NKAIN3: variants seen among roughly 807,000 people sequenced by gnomAD.
NKAIN3 encodes the protein sodium/potassium-transporting ATPase subunit beta-1-interacting protein 3.
Under a neutral mutation model 30.2 loss-of-function variants are expected in NKAIN3, and 25 were observed. The ratio of observed to expected loss-of-function variants is 0.83; its 90% CI spans 0.60 to 1.16. The LOEUF (loss-of-function observed/expected upper bound fraction) is 1.16. NKAIN3 is among the 50% of genes most tolerant of loss of function. The probability of loss-of-function intolerance (pLI) is 0.00; values close to 1 mark genes in which losing one functional copy is unlikely to be tolerated. For synonymous variants in NKAIN3, 91 were observed against 89.6 expected, an observed-to-expected ratio of 1.02 and a Z score of -0.09; for missense variants, 225 against 254.1, an observed-to-expected ratio of 0.89 and a Z score of 0.78.
chr8:62,348,741 A>G (rs1239141517), intron 1 of NKAIN3, among the ~76,000 whole-genome samples: 2 of 152,222 alleles, frequency 1.3e-5, no homozygotes, highest in Non-Finnish European at 2.9e-5. Context: ...ACTATGTTGT[A>G]TAAGAAACTG....
intron 1 of NKAIN3, among the ~76,000 whole-genome samples, chr8:62,353,545 T>C (rs539962278): frequency 1.6e-4 from 25 of 152,230 alleles, no homozygotes; most frequent in Admixed American, 7.2e-4. Flanking sequence ...ATCTGTTTTT[T>C]AAGGAAATTA....
chr8:62,620,181 A>G (rs1811579412), intron 3 of NKAIN3, among the ~76,000 whole-genome samples: 1 of 152,102 alleles, frequency 6.6e-6, no homozygotes, highest in Non-Finnish European at 1.5e-5. Context: ...AACTGGGGAG[A>G]CTTAGCAAGG....
intron 1 of NKAIN3, among the ~76,000 whole-genome samples, chr8:62,438,566 AT>A (rs904336192): frequency 1.8e-4 from 27 of 150,568 alleles, no homozygotes; most frequent in African/African-American, 6.3e-4. Flanking sequence ...AATAGCCACT[AT>A]TTTTTTTTCT....
chr8:62,552,342 C>A (rs1809243553), intron 1 of NKAIN3, among the ~76,000 whole-genome samples: 1 of 152,014 alleles, frequency 6.6e-6, no homozygotes, highest in Admixed American at 6.5e-5. Flanking sequence ...TCTGATAATC[C>A]CTCGATGGAG....
At chr8:62,708,870 G>A (rs1252554592) in intron 3 of NKAIN3, among the ~76,000 whole-genome samples, 1 of 152,118 alleles carries the variant, frequency 6.6e-6, no homozygotes, top group Non-Finnish European at 1.5e-5. Context: ...GCCATAGATG[G>A]CTTTTATTAC....
At chr8:62,962,037 C>T (rs1055129112) in intron 6 of NKAIN3, among the ~76,000 whole-genome samples, 3 of 152,128 alleles carry the variant, frequency 2.0e-5, no homozygotes, top group African/African-American at 4.8e-5. Flanking sequence ...CAGTTCTCAA[C>T]GATAGGAATC....
chr8:62,317,508 C>G lies in NKAIN3; in HGVS notation c.54+68381C>G, dbSNP rs182633146. Among the ~76,000 whole-genome samples the G allele has an allele frequency of 8.1e-4, 124 of 152,284 alleles. 1 individual carries two copies. The highest frequency in any genetic ancestry group is 2.8e-3 in the African/African-American group (118 of 41,548). ...TTTCTACATATGGCTAGCCAGTTTTCCCAGCACCATTTATTAAATAGGGAA... is the reference window on the plus strand; with the variant it reads ...TTTCTACATATGGCTAGCCAGTTTTGCCAGCACCATTTATTAAATAGGGAA... On this transcript the variant is annotated intron_variant, in intron 1 of 6. Coordinates refer to ENST00000623646, the MANE Select transcript of NKAIN3 (RefSeq NM_001304533.3).
chr8:62,432,018 A>G (rs186917992), intron 1 of NKAIN3, among the ~76,000 whole-genome samples: 4 of 151,964 alleles, frequency 2.6e-5, no homozygotes, highest in Admixed American at 2.0e-4. Flanking sequence ...ATAGGAAATT[A>G]ATGGAGAACC....
intron 3 of NKAIN3, among the ~76,000 whole-genome samples, chr8:62,720,010 G>T (rs1027218205): frequency 1.1e-4 from 17 of 151,998 alleles, no homozygotes; most frequent in Admixed American, 9.8e-4. Flanking sequence ...GCCCGCCTCC[G>T]CCTGCCAAAG....
chr8:62,779,368 C>A (rs1817285314), intron 4 of NKAIN3, among the ~76,000 whole-genome samples: 1 of 152,144 alleles, frequency 6.6e-6, no homozygotes, highest in Non-Finnish European at 1.5e-5. Flanking sequence ...GCAAGGCTTG[C>A]CAGAACCTAA....
chr8:62,731,524 C>T, intron 3 of NKAIN3, among the ~76,000 whole-genome samples: 1 of 152,062 alleles, frequency 6.6e-6, no homozygotes, highest in East Asian at 1.9e-4. Flanking sequence ...GTTTTCATCC[C>T]CTTGACAAAG....
Position 62,620,307 on chromosome 8 carries a change from G to T in NKAIN3, c.273+30513G>T, listed in dbSNP as rs961812461. ...AGGGTCTTATGATCTTCACAGGAGG[G>T]TCAGAAAGCCCTTCCTAGGTTTTAT... On this transcript the variant is annotated intron_variant, in intron 3 of 6. Transcript: ENST00000623646. Among the ~76,000 whole-genome samples the T allele has an allele frequency of 4.6e-5, 7 of 152,060 alleles. No individual in the cohort carries two copies. In the East Asian group the frequency reaches 1.4e-3, roughly 29 times the overall value.
chr8:62,506,493 G>A (rs1394145543), intron 1 of NKAIN3, among the ~76,000 whole-genome samples: 2 of 11,952 alleles, frequency 1.7e-4, no homozygotes, highest in South Asian at 2.1e-3. Flanking sequence ...TTTTTTTTTT[G>A]AGACAGAGTC....
intron 1 of NKAIN3, among the ~76,000 whole-genome samples, chr8:62,502,988 G>A (rs1336336159): frequency 1.3e-5 from 2 of 152,172 alleles, no homozygotes; most frequent in African/African-American, 2.4e-5. Flanking sequence ...ACTGGTACTG[G>A]TTTGGTCCAT....
intron 3 of NKAIN3, among the ~76,000 whole-genome samples, chr8:62,637,076 A>G (rs527553228): frequency 6.6e-6 from 1 of 152,346 alleles, no homozygotes; most frequent in Non-Finnish European, 1.5e-5. Context: ...TATGGTTTCA[A>G]GTTTATGACT....
rs76733432 is a variant in NKAIN3, at chr8:62,797,792, A to C, written c.471+50663A>C. Among the ~76,000 whole-genome samples the C allele has an allele frequency of 3.3e-4, 51 of 152,298 alleles. No individual in the cohort carries two copies. The East Asian group carries it at 9.1e-3, about 27-fold the overall frequency. On this transcript the variant is annotated intron_variant, in intron 4 of 6. Transcript: ENST00000623646. ...AAAGGAGTCTCTGAAGACAATAATT[A>C]GTTAAGATACGGTCACAGTGGAGTA...
intron 1 of NKAIN3, chr8:62,483,706 C>T (rs1032163927): frequency 2.0e-5 from 6 of 301,644 alleles, no homozygotes; most frequent in East Asian, 2.1e-4. Context: ...AAGCCCTTGC[C>T]GAGTCAATAA....
chr8:62,934,626 A>T (rs1822726408), intron 5 of NKAIN3, among the ~76,000 whole-genome samples: 1 of 152,088 alleles, frequency 6.6e-6, no homozygotes, highest in Non-Finnish European at 1.5e-5. Flanking sequence ...ATCAAAAACT[A>T]AATACTAAAG....
At chr8:62,249,437 C>T (rs910843191) in intron 1 of NKAIN3, among the ~76,000 whole-genome samples, 1 of 152,234 alleles carries the variant, frequency 6.6e-6, no homozygotes, top group Non-Finnish European at 1.5e-5. Context: ...GAGGGATTTT[C>T]CCGCCCCTTG....
Sources: allele counts gnomAD v4.1 joint callset (sites outside exome capture counted in the v4.1 genomes callset), GRCh38; gene constraint gnomAD v4.1.1; transcripts MANE v1.5; gene names NCBI Gene and HGNC (gene_info 2026-07-23, HGNC 2026-07-21).